Variants in WDR35 observed in about 807,000 individuals in gnomAD.
The protein encoded by WDR35 is WD repeat-containing protein 35.
Under a neutral mutation model 158.3 loss-of-function variants are expected in WDR35, and 118 were observed. That is an observed-to-expected ratio of 0.75 (90% CI 0.64 to 0.87). The LOEUF is 0.87. Among genes scored for constraint, WDR35 ranks in the 40% least tolerant of loss-of-function variants. The probability of loss-of-function intolerance (pLI) is 0.00; values close to 1 mark genes in which losing one functional copy is unlikely to be tolerated. For synonymous variants in WDR35, 448 were observed against 476.1 expected, an observed-to-expected ratio of 0.94 and a Z score of 0.77; for missense variants, 1,263 against 1,405.8, an observed-to-expected ratio of 0.90 and a Z score of 1.62.
chr2:19,973,738 G>C, intron 7 of WDR35, 30 bp from the exon 8 acceptor site: 1 of 1,601,182 alleles, frequency 6.2e-7, no homozygotes, highest in Non-Finnish European at 8.5e-7. Context: ...TGAGGTCACT[G>C]TGGGAAAATA....
At chr2:19,944,858 C>G (rs1268861365) in intron 16 of WDR35, among the ~76,000 whole-genome samples, 5 of 152,098 alleles carry the variant, frequency 3.3e-5, no homozygotes. Context: ...CTCCAGAAAC[C>G]CTTTGGCAGC....
At position 19,936,099 on chromosome 2, in the gene WDR35, T is replaced by C. The variant is rs559590196; in HGVS notation, c.2414+120A>G. On this transcript the variant is annotated intron_variant, in intron 20 of 26. Transcript: ENST00000281405. ...GCTTTCCAAGATGAATCTAGAGCTA[T>C]CTGAATTTTAGAATTCAAGAAAATG... 2.1e-4 allele frequency: 307 copies of C among 1,458,960 alleles called. 2 individuals carry two copies. In the Middle Eastern group the frequency reaches 3.7e-3, roughly 18 times the overall value. The allele number at this position is 1,458,960 out of a possible 1,614,324, so 90.4% of individuals were successfully genotyped here.
At chr2:19,949,187 T>G (rs967590951) in intron 13 of WDR35, among the ~76,000 whole-genome samples, 2 of 152,208 alleles carry the variant, frequency 1.3e-5, no homozygotes, top group African/African-American at 2.4e-5. Flanking sequence ...AAATGTTTTT[T>G]AATAAAAAAT....
At chr2:19,920,496 T>C (rs764798516) in intron 25 of WDR35, among the ~76,000 whole-genome samples, 4 of 152,152 alleles carry the variant, frequency 2.6e-5, no homozygotes, top group Non-Finnish European at 5.9e-5. Flanking sequence ...ATTATCTCAA[T>C]AGATGCAGAA....
At chr2:19,985,822 G>A (rs898523340) in intron 2 of WDR35, among the ~76,000 whole-genome samples, 13 of 150,426 alleles carry the variant, frequency 8.6e-5, no homozygotes, top group East Asian at 3.9e-4. Flanking sequence ...GCTTGAACCC[G>A]GGAAGTGGAA....
intron 11 of WDR35, among the ~76,000 whole-genome samples, chr2:19,956,061 T>C (rs1671419062): frequency 6.6e-6 from 1 of 152,088 alleles, no homozygotes; most frequent in Admixed American, 6.6e-5. Flanking sequence ...GCCTCCAGGG[T>C]GCGCTCCTGC....
chr2:19,978,979 A>G, intron 4 of WDR35, 100 bp from the exon 5 acceptor site: 4 of 1,465,188 alleles, frequency 2.7e-6, no homozygotes, highest in Non-Finnish European at 2.8e-6. Context: ...CATGGGACAA[A>G]TAACTGCAAA....
Position 19,966,710 on chromosome 2 carries a change from C to T in WDR35, c.1194+14G>A. 2 of 1,613,038 alleles carry T rather than the reference C, an allele frequency of 1.2e-6. No homozygotes were observed. The highest frequency in any genetic ancestry group is 8.5e-7 in the Non-Finnish European group (1 of 1,179,742). On this transcript the variant is annotated intron_variant, in intron 10 of 26. Coordinates refer to ENST00000281405, the MANE Select transcript of WDR35 (RefSeq NM_020779.4). ...TTAGCCCAGCTATGTCTTAAGATAT[C>T]AAGAAACACCTACCTGAGGATGATT... is the stretch of plus-strand genomic sequence containing the variant.
intron 19 of WDR35, 51 bp downstream of exon 19, chr2:19,937,692 C>G: frequency 6.2e-7 from 1 of 1,609,736 alleles, no homozygotes; most frequent in Non-Finnish European, 8.5e-7. Flanking sequence ...GTAAAAAATA[C>G]AATGATGAAC....
intron 10 of WDR35, chr2:19,962,238 C>A: frequency 1.9e-6 from 3 of 1,600,976 alleles, no homozygotes; most frequent in Non-Finnish European, 2.6e-6. Flanking sequence ...CAGCTATAAC[C>A]TCAAAACTCA....
chr2:19,921,947 G>C (rs1670181102), intron 25 of WDR35, among the ~76,000 whole-genome samples: 2 of 152,142 alleles, frequency 1.3e-5, no homozygotes, highest in Non-Finnish European at 2.9e-5. Context: ...AGACATTTTT[G>C]CATCCAACAA....
In WDR35 at chr2:19,921,489, A is replaced by C. The variant is rs555791158; in HGVS notation, c.3122-7212T>G. On this transcript the variant is annotated intron_variant, in intron 25 of 26. Coordinates refer to ENST00000281405, the MANE Select transcript of WDR35 (RefSeq NM_020779.4). ...ACAAGAAATGGGGAAAGGATTCCCTATTTAATAAATGATGTTGGCAAAACT... is the reference window on the plus strand; with the variant it reads ...ACAAGAAATGGGGAAAGGATTCCCTCTTTAATAAATGATGTTGGCAAAACT... Among the ~76,000 whole-genome samples, 5 of 152,320 alleles carry C rather than the reference A, an allele frequency of 3.3e-5. No individual in the cohort carries two copies. The South Asian group carries it at 6.2e-4, about 19-fold the overall frequency.
chr2:19,919,215 C>T (rs567408710), intron 25 of WDR35, among the ~76,000 whole-genome samples: 26 of 151,846 alleles, frequency 1.7e-4, no homozygotes, highest in Non-Finnish European at 3.5e-4. Flanking sequence ...CCCATCTCTA[C>T]TAAAAATACA....
At chr2:19,966,332 T>C (rs1671851460) in intron 10 of WDR35, among the ~76,000 whole-genome samples, 1 of 152,230 alleles carries the variant, frequency 6.6e-6, no homozygotes, top group Non-Finnish European at 1.5e-5. Flanking sequence ...GATTTCTCAA[T>C]GTCAAAAGCT....
intron 6 of WDR35, 23 bp downstream of exon 6, chr2:19,975,507 G>GACTGATGCATA (rs1672176248): frequency 6.2e-7 from 1 of 1,605,500 alleles, no homozygotes; most frequent in Admixed American, 1.7e-5. Flanking sequence ...GTATAAACAA[G>GACTGATGCATA]ACTGATGCAT....
intron 16 of WDR35, among the ~76,000 whole-genome samples, chr2:19,944,499 C>A (rs1398114825): frequency 6.6e-6 from 1 of 152,080 alleles, no homozygotes; most frequent in African/African-American, 2.4e-5. Flanking sequence ...AAGACTCTAA[C>A]ATTCAAAAAG....
intron 17 of WDR35, among the ~76,000 whole-genome samples, chr2:19,939,344 G>GT (rs1193801778): frequency 6.6e-6 from 1 of 152,042 alleles, no homozygotes; most frequent in Non-Finnish European, 1.5e-5. Context: ...AGAAGAAAAT[G>GT]TAAGAATGTT....
intron 25 of WDR35, among the ~76,000 whole-genome samples, chr2:19,917,510 G>T (rs1211904167): frequency 6.6e-6 from 1 of 152,150 alleles, no homozygotes; most frequent in Non-Finnish European, 1.5e-5. Flanking sequence ...AAGGTTAGAC[G>T]AATTGCTAAC....
chr2:19,926,001 T>A (rs1409895393), intron 25 of WDR35, among the ~76,000 whole-genome samples: 1 of 152,204 alleles, frequency 6.6e-6, no homozygotes, highest in East Asian at 1.9e-4. Flanking sequence ...CCGGAGGCTT[T>A]AGAGAAATTA....
Sources: gnomAD v4.1 joint callset for allele counts (sites outside exome capture counted in the v4.1 genomes callset) on GRCh38, gnomAD v4.1.1 for gene constraint, MANE v1.5 for transcripts, NCBI Gene and HGNC (gene_info 2026-07-23, HGNC 2026-07-21) for gene names.